Variants in SLC38A6 observed in about 807,000 individuals in gnomAD.
The protein encoded by SLC38A6 is N system amino acid transporter NAT-1.
Under a neutral mutation model 65.0 loss-of-function variants are expected in SLC38A6, and 73 were observed. That is an observed-to-expected ratio of 1.12 (90% CI 0.93 to 1.37). The LOEUF (loss-of-function observed/expected upper bound fraction) is 1.37, where lower values mean the gene tolerates loss of function less well. Among genes scored for constraint, SLC38A6 ranks in the 40% most tolerant of loss-of-function variants. SLC38A6 has a pLI of 0.00. For synonymous variants in SLC38A6, 183 were observed against 178.8 expected (o/e 1.02, Z -0.19); for missense variants, 561 against 531.1 (o/e 1.06, Z -0.55).
At chr14:61,011,928 C>G (rs1393534794) in intron 3 of SLC38A6, among the ~76,000 whole-genome samples, 1 of 152,120 alleles carries the variant, frequency 6.6e-6, no homozygotes, top group Non-Finnish European at 1.5e-5. Context: ...CCCTCTTTTT[C>G]TATTGATTGG....
At chr14:61,047,523 T>C (rs2042224230) in intron 12 of SLC38A6, among the ~76,000 whole-genome samples, 1 of 152,126 alleles carries the variant, frequency 6.6e-6, no homozygotes, top group Admixed American at 6.5e-5. Context: ...GTTTTGTCTC[T>C]CTCCAAAGCC....
intron 5 of SLC38A6, among the ~76,000 whole-genome samples, chr14:61,030,131 T>G (rs1425857099): frequency 5.9e-5 from 9 of 152,208 alleles, no homozygotes; most frequent in Admixed American, 5.9e-4. Flanking sequence ...TGTAAAACTT[T>G]GTACAAAATT....
chr14:61,006,551 G>A (rs1449810912), intron 3 of SLC38A6, among the ~76,000 whole-genome samples: 4 of 152,194 alleles, frequency 2.6e-5, no homozygotes, highest in Non-Finnish European at 5.9e-5. Flanking sequence ...AGACATTTAT[G>A]CAGCCAAAAA....
chr14:61,005,582 A>G (rs1476098122), intron 3 of SLC38A6, among the ~76,000 whole-genome samples: 1 of 151,998 alleles, frequency 6.6e-6, no homozygotes, highest in Non-Finnish European at 1.5e-5. Context: ...CCCATTCACA[A>G]TTGCTTCAAA....
At chr14:60,987,124 A>G in intron 3 of SLC38A6, 1 of 354,270 alleles carries the variant, frequency 2.8e-6, no homozygotes, top group East Asian at 1.2e-4. Context: ...CCGTTGATTG[A>G]ATTCCTTCAA....
intron 3 of SLC38A6, among the ~76,000 whole-genome samples, chr14:61,007,745 A>G (rs1011341292): frequency 1.3e-5 from 2 of 148,176 alleles, no homozygotes; most frequent in African/African-American, 5.0e-5. Flanking sequence ...CTTGGTTCAT[A>G]TAATATGGAA....
chr14:61,066,836 A>G (rs2043034074), intron 15 of SLC38A6, among the ~76,000 whole-genome samples: 1 of 152,148 alleles, frequency 6.6e-6, no homozygotes, highest in Non-Finnish European at 1.5e-5. Flanking sequence ...TCAAGAGTCA[A>G]CTGTGTATAT....
intron 3 of SLC38A6, among the ~76,000 whole-genome samples, chr14:60,991,631 G>A (rs1009223452): frequency 1.3e-5 from 2 of 152,122 alleles, no homozygotes; most frequent in Non-Finnish European, 2.9e-5. Context: ...CTTCTTGGAC[G>A]TTTCTTCCCC....
rs762978051 is a variant in SLC38A6 at position 61,051,996 on chromosome 14, C to T, written c.1196-45C>T. 3.1e-6 allele frequency: 5 copies of T among 1,601,550 alleles called. No homozygotes were observed. In the East Asian group the frequency reaches 8.9e-5, roughly 29 times the overall value. On this transcript the variant is annotated intron_variant, in intron 14 of 15. Transcript: ENST00000267488. ...ATAAAATTGCTACCCAGCCTCACATCTGAATCCAGCAATATCCTCTCTTTT... is the reference window on the plus strand; with the variant it reads ...ATAAAATTGCTACCCAGCCTCACATTTGAATCCAGCAATATCCTCTCTTTT...
downstream of SLC38A6, among the ~76,000 whole-genome samples, chr14:61,053,476 G>A (rs1048336799): frequency 6.6e-6 from 1 of 152,028 alleles, no homozygotes; most frequent in Non-Finnish European, 1.5e-5. Context: ...GTGCTTCCAC[G>A]ATTGTTGAAC....
chr14:61,022,831 A>G (rs548303500), intron 5 of SLC38A6, among the ~76,000 whole-genome samples: 1 of 152,312 alleles, frequency 6.6e-6, no homozygotes, highest in South Asian at 2.1e-4. Context: ...TTCATTTTAT[A>G]GAGAAGAGAT....
chr14:60,983,099 C>G (rs1417384245), intron 2 of SLC38A6, among the ~76,000 whole-genome samples: 1 of 152,146 alleles, frequency 6.6e-6, no homozygotes, highest in African/African-American at 2.4e-5. Flanking sequence ...TGTTTCAGGA[C>G]TTAGCTTGTA....
At chr14:61,019,490 CT>C in intron 4 of SLC38A6, 50 bp from the exon 5 acceptor site, 1 of 1,570,254 alleles carries the variant, frequency 6.4e-7, no homozygotes, top group African/African-American at 1.3e-5. Flanking sequence ...AATACTGATC[CT>C]TTTATATTGT....
At chr14:61,052,304 T>C in intron 15 of SLC38A6, 45 bp from the exon 16 acceptor site, 1 of 1,460,394 alleles carries the variant, frequency 6.8e-7, no homozygotes, top group East Asian at 2.5e-5. Context: ...TTTATCTTTT[T>C]TCTTTTATCT....
chr14:61,077,561 A>G (rs1423951599), intron 15 of SLC38A6, among the ~76,000 whole-genome samples: 2 of 152,248 alleles, frequency 1.3e-5, no homozygotes, highest in African/African-American at 4.8e-5. Context: ...AGTAAGGATT[A>G]TACCATAATA....
intron 8 of SLC38A6, among the ~76,000 whole-genome samples, chr14:61,042,552 G>GTT (rs3215858): frequency 9.7e-4 from 147 of 151,946 alleles, no homozygotes; most frequent in Middle Eastern, 3.4e-3. Flanking sequence ...TTCTTTTAAT[G>GTT]TTTTTTTTGT....
intron 3 of SLC38A6, among the ~76,000 whole-genome samples, chr14:61,000,145 G>A (rs748721505): frequency 4.6e-5 from 7 of 152,138 alleles, no homozygotes; most frequent in African/African-American, 1.4e-4. Context: ...TGTATTTCTG[G>A]AAAATTTAAT....
intron 15 of SLC38A6, among the ~76,000 whole-genome samples, chr14:61,062,071 T>A (rs946042898): frequency 6.6e-6 from 1 of 152,164 alleles, no homozygotes; most frequent in South Asian, 2.1e-4. Flanking sequence ...ACTCCTGACC[T>A]CAGGTGATCC....
chr14:61,071,809 G>A (rs552002634), intron 15 of SLC38A6, among the ~76,000 whole-genome samples: 14 of 152,190 alleles, frequency 9.2e-5, no homozygotes, highest in Admixed American at 6.5e-4. Flanking sequence ...CTCTGACTCC[G>A]TTGTAATTAA....
Sources: gnomAD v4.1 joint callset for allele counts (sites outside exome capture counted in the v4.1 genomes callset) on GRCh38, gnomAD v4.1.1 for gene constraint, MANE v1.5 for transcripts, NCBI Gene and HGNC (gene_info 2026-07-23, HGNC 2026-07-21) for gene names.